Variants in TRH observed in about 807,000 individuals in gnomAD.
The protein encoded by TRH is thyrotropin releasing hormone, also known as TSH-releasing factor.
In TRH, 5 loss-of-function variants were observed where a neutral mutation model predicts 5.2. The ratio of observed to expected loss-of-function variants is 0.95; its 90% CI spans 0.50 to 2.00. The LOEUF (loss-of-function observed/expected upper bound fraction) is 2.00. TRH is among the 30% of genes most tolerant of loss of function. The pLI is 0.01. For synonymous variants in TRH, 131 were observed against 128.6 expected, an observed-to-expected ratio of 1.02 and a Z score of -0.13; for missense variants, 318 against 312.8, an observed-to-expected ratio of 1.02 and a Z score of -0.13.
At position 129,976,022 on chromosome 3, in the gene TRH, A is replaced by T; in HGVS notation, c.206A>T (p.His69Leu). Residue 69 changes from histidine to leucine, a missense_variant, in exon 2 of 3, where the codon CAC becomes CTC. By Grantham distance (99) the His-to-Leu change is moderately conservative (BLOSUM62 -3). Transcript: ENST00000302649. ...CGGCTGCAAGGGGACCAGGGTGAGC[A>T]CTCCGGTGAGTGGATGGGGCTGTTG... ...IQRLQGDQGE[H>L]SASQIFQSDW... 1 of 1,613,608 alleles carries T rather than the reference A, an allele frequency of 6.2e-7. No homozygotes were observed. Among genetic ancestry groups the T allele is most frequent in the Admixed American group, 1.7e-5 (1 of 59,974 alleles).
At position 129,976,036 on chromosome 3, in the gene TRH, A is replaced by G; in HGVS notation, c.211+9A>G. On this transcript the variant is annotated intron_variant, in intron 2 of 2. Transcript: ENST00000302649. ...CCAGGGTGAGCACTCCGGTGAGTGG[A>G]TGGGGCTGTTGGGGGCTGTGGGGCT... 1.2e-6 allele frequency: 2 copies of G among 1,613,294 alleles called. No individual in the cohort carries two copies. Among genetic ancestry groups the G allele is most frequent in the Middle Eastern group, 1.7e-4 (1 of 6,040 alleles).
In TRH at chr3:129,977,272, G is replaced by A. The variant is rs2062551604; in HGVS notation, c.*56G>A. The A allele has an allele frequency of 6.7e-7, 1 of 1,493,192 alleles. No individual in the cohort carries two copies. Among genetic ancestry groups the A allele is most frequent in the African/African-American group, 1.4e-5 (1 of 71,224 alleles). The allele number at this position is 1,493,192 out of a possible 1,614,324, so 92.5% of individuals were successfully genotyped here. ...TCTAAGGATGTCTTGAGCCCTGTGT[G>A]CCCCACCATTCATGACCTCTGTATT... On this transcript the variant is annotated 3_prime_UTR_variant, in exon 3 of 3. Coordinates refer to ENST00000302649, the MANE Select transcript of TRH (RefSeq NM_007117.5).
rs776365984 is a variant in TRH, at chr3:129,976,840, G to A, written c.353G>A (p.Arg118Gln). ...CCCCACAAACGGCAGCACCCTGGCC[G>A]ACGAGAAGATGAGGCTTCATGGTCA... ...VGPHKRQHPG[R>Q]REDEASWSVD... The change falls in exon 3 of 3, where the codon CGA becomes CAA. Residue 118 changes from arginine to glutamine, a missense_variant. Arg to Gln is a conservative substitution (Grantham distance 43). Coordinates refer to ENST00000302649, the MANE Select transcript of TRH (RefSeq NM_007117.5). The A allele has an allele frequency of 1.4e-5, 22 of 1,613,700 alleles. No homozygotes were observed. Among genetic ancestry groups the A allele is most frequent in the East Asian group, 6.7e-5 (3 of 44,850 alleles).
chr3:129,975,812 C>T lies in TRH; in HGVS notation c.-5C>T. 6.2e-7 allele frequency: 1 copy of T among 1,604,732 alleles called. No homozygotes were observed. The highest frequency in any genetic ancestry group is 1.1e-5 in the South Asian group (1 of 89,810). Reference sequence around the variant, plus strand: ...CTCCCTCTGTCCCCTAACCCAGACGCCGCGATGCCCGGCCCTTGGTTGCTG... The same window carrying T: ...CTCCCTCTGTCCCCTAACCCAGACGTCGCGATGCCCGGCCCTTGGTTGCTG... On this transcript the variant is annotated 5_prime_UTR_variant, in exon 2 of 3. Transcript: ENST00000302649.
Sources: allele counts gnomAD v4.1 joint callset, GRCh38; gene constraint gnomAD v4.1.1; transcripts MANE v1.5; gene names NCBI Gene and HGNC (gene_info 2026-07-23, HGNC 2026-07-21).